Variants in EIF2AK4 observed in about 807,000 individuals in gnomAD.
EIF2AK4 encodes eukaryotic translation initiation factor 2 alpha kinase 4, also known as eIF-2-alpha kinase GCN2.
EIF2AK4 carries 139 observed loss-of-function variants against 211.1 expected under a neutral mutation model. That is an observed-to-expected ratio of 0.66 (90% confidence interval 0.57 to 0.76). The LOEUF (loss-of-function observed/expected upper bound fraction) is 0.76, where lower values mean the gene tolerates loss of function less well. Ranked by LOEUF, EIF2AK4 falls within the 30% of genes least tolerant of loss-of-function variation. The pLI, the probability that EIF2AK4 is intolerant of heterozygous loss-of-function variation, is 0.00. For synonymous variants in EIF2AK4, 710 were observed against 751.3 expected (o/e 0.94, Z 0.90); for missense variants, 1,664 against 2,043.8 (o/e 0.81, Z 3.58).
intron 7 of EIF2AK4, 144 bp downstream of exon 7, chr15:39,962,043 C>A: frequency 1.7e-6 from 1 of 576,634 alleles, no homozygotes; most frequent in Non-Finnish European, 3.0e-6. Flanking sequence ...GGCTCCCATC[C>A]TTAATGACTG....
intron 33 of EIF2AK4, among the ~76,000 whole-genome samples, chr15:40,028,079 CTTTT>C: frequency 1.4e-5 from 2 of 144,128 alleles, no homozygotes; most frequent in South Asian, 2.2e-4. Flanking sequence ...TTTGCAACTC[CTTTT>C]TTTTTTTTTG....
intron 6 of EIF2AK4, among the ~76,000 whole-genome samples, chr15:39,959,616 T>G (rs2034439117): frequency 6.6e-6 from 1 of 152,156 alleles, no homozygotes; most frequent in African/African-American, 2.4e-5. Flanking sequence ...AACCAAGCAT[T>G]TACACATTGT....
intron 25 of EIF2AK4, 39 bp from the exon 26 acceptor site, chr15:40,009,575 C>G (rs2140938781): frequency 2.2e-6 from 3 of 1,363,062 alleles, no homozygotes; most frequent in East Asian, 4.7e-5. Context: ...CCAGTAATTG[C>G]TTTTATAATG....
intron 27 of EIF2AK4, among the ~76,000 whole-genome samples, chr15:40,015,815 T>A (rs563417420): frequency 2.6e-4 from 39 of 152,220 alleles, no homozygotes; most frequent in Non-Finnish European, 4.6e-4. Flanking sequence ...TCTTAATAAT[T>A]TCTACTTTAG....
At chr15:39,964,378 A>G (rs535129888) in intron 7 of EIF2AK4, among the ~76,000 whole-genome samples, 65 of 152,196 alleles carry the variant, frequency 4.3e-4, no homozygotes, top group Admixed American at 1.1e-3. Flanking sequence ...AGATTACTAT[A>G]TATCGGGGTT....
chr15:40,003,183 T>A lies in EIF2AK4; in HGVS notation c.3236-10T>A. On this transcript the variant is annotated splice_polypyrimidine_tract_variant and intron_variant, in intron 22 of 38. Transcript: ENST00000263791. ...CCTGATGATGAGCTATTTTTTCTCATTTGGTGTAGGAGCTGTTCAGTTGTG... is the reference window on the plus strand; with the variant it reads ...CCTGATGATGAGCTATTTTTTCTCAATTGGTGTAGGAGCTGTTCAGTTGTG... 1 of 1,612,612 alleles carries A rather than the reference T, an allele frequency of 6.2e-7. No homozygotes were observed. The highest frequency in any genetic ancestry group is 8.5e-7 in the Non-Finnish European group (1 of 1,179,438).
rs1480177632 is a variant in EIF2AK4, at chr15:40,030,423, G to A, written c.4626G>A (p.Leu1542=). 1 of 1,614,128 alleles carries A rather than the reference G, an allele frequency of 6.2e-7. No individual in the cohort carries two copies. Among genetic ancestry groups the A allele is most frequent in the Non-Finnish European group, 8.5e-7 (1 of 1,180,020 alleles). ...TGAGTGTGCTAGCCCCGGAGAAGCT[G>A]TCAGCCAGCACTAGGAGGCGCTATG... ...PIVSVLAPEK[L]SASTRRRYET... The change falls in exon 35 of 39, where the codon CTG becomes CTA. Residue 1542 remains leucine, a synonymous_variant. Transcript: ENST00000263791.
intron 29 of EIF2AK4, among the ~76,000 whole-genome samples, chr15:40,018,380 C>T (rs971089501): frequency 1.3e-5 from 2 of 151,942 alleles, no homozygotes; most frequent in African/African-American, 4.8e-5. Flanking sequence ...GTTTGCTTAG[C>T]TTCTTAAATC....
chr15:39,955,519 A>G, intron 5 of EIF2AK4, 101 bp from the exon 6 acceptor site: 1 of 1,182,610 alleles, frequency 8.5e-7, no homozygotes, highest in Non-Finnish European at 1.2e-6. Flanking sequence ...GTAAACATTC[A>G]GCTTAAAATT....
In EIF2AK4 at chr15:40,022,503, T is replaced by C. The variant is rs2035404536; in HGVS notation, c.4303-16T>C. On this transcript the variant is annotated splice_polypyrimidine_tract_variant and intron_variant, in intron 31 of 38. Coordinates refer to ENST00000263791, the MANE Select transcript of EIF2AK4 (RefSeq NM_001013703.4). ...TGCTCTGTGTTTATTTTCTTTACTA[T>C]GTTTGTTTGTTTCAGTCCCAAGAGG... The C allele has an allele frequency of 6.2e-7, 1 of 1,606,094 alleles. No individual in the cohort carries two copies. The highest frequency in any genetic ancestry group is 8.5e-7 in the Non-Finnish European group (1 of 1,173,638).
Position 39,992,212 on chromosome 15 carries a change from T to C in EIF2AK4, c.2669T>C (p.Ile890Thr). Reference protein sequence around the residue: ...SKQDDQTGDLIKSDPSGHLTG... With the variant: ...SKQDDQTGDLTKSDPSGHLTG... ...CAAGACGATCAGACAGGAGACTTGATTAAGTCAGACCCTTCAGGTAAACCC... is the reference window on the plus strand; with the variant it reads ...CAAGACGATCAGACAGGAGACTTGACTAAGTCAGACCCTTCAGGTAAACCC... The change falls in exon 17 of 39, where the codon ATT (isoleucine) becomes ACT (threonine). Residue 890 changes from isoleucine to threonine, a missense_variant. By Grantham distance (89) the Ile-to-Thr change is moderately conservative. Around this residue, in one of 7 missense-constraint regions of EIF2AK4, gnomAD observed 622 missense variants for 796.8 expected, o/e 0.78. Coordinates refer to ENST00000263791, the MANE Select transcript of EIF2AK4 (RefSeq NM_001013703.4). 6.2e-7 allele frequency: 1 copy of C among 1,612,230 alleles called. No individual in the cohort carries two copies.
At position 39,976,853 on chromosome 15, in the gene EIF2AK4, A is replaced by G. The variant is rs370255615; in HGVS notation, c.2249+9A>G. On this transcript the variant is annotated intron_variant, in intron 12 of 38. Coordinates refer to ENST00000263791, the MANE Select transcript of EIF2AK4 (RefSeq NM_001013703.4). ...TTCTCCCAGTCCTTCCTGTAAGCGC[A>G]CGGCGCGGACCAGCTGCCTCTGATG... 1.6e-5 allele frequency: 24 copies of G among 1,495,356 alleles called. No individual in the cohort carries two copies. The African/African-American group carries it at 3.1e-4, about 19-fold the overall frequency. The allele number at this position is 1,495,356 out of a possible 1,614,324, so 92.6% of individuals were successfully genotyped here.
Position 39,953,940 on chromosome 15 carries a change from G to A in EIF2AK4, c.550G>A (p.Glu184Lys). The change falls in exon 5 of 39, where the codon GAA becomes AAA. Residue 184 changes from glutamate (E) to lysine (K), a missense_variant. Coordinates refer to ENST00000263791, the MANE Select transcript of EIF2AK4 (RefSeq NM_001013703.4). Reference protein sequence around the residue: ...EILHEIQRRKEEIKEEKKRKE... With the variant: ...EILHEIQRRKKEIKEEKKRKE... ...CCTGCATGAGATTCAGAGAAGGAAA[G>A]AAGAGATAAAAGAAGAGAAAAAAAG... 3.7e-6 allele frequency: 6 copies of A among 1,610,370 alleles called. No homozygotes were observed. In the East Asian group the frequency reaches 8.9e-5, roughly 24 times the overall value.
rs1221590907 is a variant in EIF2AK4 at position 39,965,799 on chromosome 15, C to T, written c.973C>T (p.Leu325Phe). 6.2e-7 allele frequency: 1 copy of T among 1,614,060 alleles called. No homozygotes were observed. The highest frequency in any genetic ancestry group is 1.7e-5 in the Admixed American group (1 of 60,020). The change falls in exon 8 of 39, where the codon CTT (leucine) becomes TTT (phenylalanine). Residue 325 changes from leucine (L) to phenylalanine (F), a missense_variant. Coordinates refer to ENST00000263791, the MANE Select transcript of EIF2AK4 (RefSeq NM_001013703.4). ...LQWQKKMGPFLTSQEKEKIDK... is the reference protein window; with the variant it reads ...LQWQKKMGPFFTSQEKEKIDK... ...GTGGCAGAAAAAAATGGGTCCATTC[C>T]TTACCAGTCAAGAAAAAGAGAAGAT...
chr15:39,976,364 C>G, intron 11 of EIF2AK4, 50 bp from the exon 12 acceptor site: 1 of 1,531,206 alleles, frequency 6.5e-7, no homozygotes, highest in Non-Finnish European at 8.8e-7. Context: ...GTGCAAATGC[C>G]TGTTTGTGCA....
chr15:39,985,712 G>T (rs2034855401), intron 13 of EIF2AK4, 93 bp from the exon 14 acceptor site: 1 of 1,163,848 alleles, frequency 8.6e-7, no homozygotes, highest in African/African-American at 1.5e-5. Context: ...GGGTGGCCCT[G>T]TGTTGGGGGT....
At chr15:39,961,150 G>A (rs1256030046) in intron 6 of EIF2AK4, among the ~76,000 whole-genome samples, 3 of 152,200 alleles carry the variant, frequency 2.0e-5, no homozygotes, top group African/African-American at 7.2e-5. Flanking sequence ...TGGGTTTTAA[G>A]TGTTTTGGAG....
intron 27 of EIF2AK4, among the ~76,000 whole-genome samples, chr15:40,012,755 A>G (rs2035251298): frequency 6.6e-6 from 1 of 152,184 alleles, no homozygotes; most frequent in African/African-American, 2.4e-5. Flanking sequence ...TTTCTGTTAA[A>G]TCTCTAACCA....
At chr15:39,979,052 CTG>C (rs2034742502) in intron 13 of EIF2AK4, among the ~76,000 whole-genome samples, 1 of 152,208 alleles carries the variant, frequency 6.6e-6, no homozygotes, top group Non-Finnish European at 1.5e-5. Flanking sequence ...AAGACTAAGT[CTG>C]TGCCTGGTAA....
Sources: allele counts gnomAD v4.1 joint callset (sites outside exome capture counted in the v4.1 genomes callset), GRCh38; gene constraint gnomAD v4.1.1; regional missense constraint gnomAD v4.1.1; transcripts MANE v1.5; gene names NCBI Gene and HGNC (gene_info 2026-07-23, HGNC 2026-07-21).